Variants in OLFM3 observed in about 807,000 individuals in gnomAD.
OLFM3 encodes the protein olfactomedin 3.
In OLFM3, 20 loss-of-function variants were observed where a neutral mutation model predicts 48.6. The observed-to-expected ratio is 0.41, with a 90% CI of 0.29 to 0.60. The LOEUF (loss-of-function observed/expected upper bound fraction) is 0.60. OLFM3 is among the 20% of genes least tolerant of loss of function. The pLI, the probability that OLFM3 is intolerant of heterozygous loss-of-function variation, is 0.28. For synonymous variants in OLFM3, 222 were observed against 198.1 expected, an observed-to-expected ratio of 1.12 and a Z score of -1.01; for missense variants, 437 against 544.3, an observed-to-expected ratio of 0.80 and a Z score of 1.96.
At chr1:101,901,526 G>A (rs1352794535) in intron 1 of OLFM3, among the ~76,000 whole-genome samples, 3 of 152,048 alleles carry the variant, frequency 2.0e-5, no homozygotes, top group African/African-American at 4.8e-5. Flanking sequence ...AAGTTTTCAA[G>A]ATGACAGGGG....
chr1:101,847,991 G>A (rs559176309), intron 1 of OLFM3, among the ~76,000 whole-genome samples: 58 of 152,184 alleles, frequency 3.8e-4, no homozygotes, highest in African/African-American at 1.2e-3. Context: ...GCTCTCCAAG[G>A]TCCCTTCCAG....
At chr1:101,813,160 T>A (rs753057255) in intron 4 of OLFM3, 1 of 1,220,152 alleles carries the variant, frequency 8.2e-7, no homozygotes, top group South Asian at 1.3e-5. Context: ...GAAAGGAAAT[T>A]TAAAGAAAGA....
intron 1 of OLFM3, among the ~76,000 whole-genome samples, chr1:101,949,512 A>T (rs1379064887): frequency 6.6e-6 from 1 of 152,200 alleles, no homozygotes; most frequent in Non-Finnish European, 1.5e-5. Flanking sequence ...CCATCTGTAC[A>T]AATATACATT....
intron 1 of OLFM3, among the ~76,000 whole-genome samples, chr1:101,845,267 T>G (rs911476940): frequency 2.0e-5 from 3 of 152,108 alleles, no homozygotes; most frequent in Non-Finnish European, 4.4e-5. Flanking sequence ...CAATGCTTTA[T>G]ATTTTTCAAC....
intron 1 of OLFM3, among the ~76,000 whole-genome samples, chr1:101,954,598 A>G (rs1275875874): frequency 6.6e-6 from 1 of 152,114 alleles, no homozygotes; most frequent in African/African-American, 2.4e-5. Context: ...GGCTAAAAGT[A>G]ATAACTCTAC....
At chr1:101,889,797 G>GT (rs1247745747) in intron 1 of OLFM3, among the ~76,000 whole-genome samples, 7 of 151,874 alleles carry the variant, frequency 4.6e-5, no homozygotes, top group Non-Finnish European at 8.8e-5. Flanking sequence ...GTTAAAGATG[G>GT]TTACGTTTAT....
At chr1:101,928,708 A>C (rs933175107) in intron 1 of OLFM3, among the ~76,000 whole-genome samples, 3 of 152,132 alleles carry the variant, frequency 2.0e-5, no homozygotes, top group African/African-American at 7.2e-5. Context: ...AGCAACTACT[A>C]TGTCCTGAAG....
chr1:101,962,815 T>G (rs957154583), intron 1 of OLFM3, among the ~76,000 whole-genome samples: 3 of 152,220 alleles, frequency 2.0e-5, no homozygotes, highest in Non-Finnish European at 4.4e-5. Context: ...CTGCTTTTCC[T>G]TAATAGTTAA....
chr1:101,924,607 A>T (rs1247505680), intron 1 of OLFM3, among the ~76,000 whole-genome samples: 1 of 152,180 alleles, frequency 6.6e-6, no homozygotes, highest in Non-Finnish European at 1.5e-5. Flanking sequence ...TGACAATTCT[A>T]TGCAACACTG....
intron 1 of OLFM3, among the ~76,000 whole-genome samples, chr1:101,916,249 C>A (rs1168709714): frequency 2.6e-5 from 4 of 152,070 alleles, no homozygotes; most frequent in Non-Finnish European, 1.5e-5. Flanking sequence ...TATTATCATT[C>A]CCCTCTTTCA....
intron 1 of OLFM3, among the ~76,000 whole-genome samples, chr1:101,969,485 C>T (rs1403649190): frequency 1.3e-5 from 2 of 151,810 alleles, no homozygotes; most frequent in African/African-American, 2.4e-5. Context: ...TTTTTATTAT[C>T]GTAAAGAGCC....
chr1:101,928,290 G>GAAAC (rs924457123), intron 1 of OLFM3, among the ~76,000 whole-genome samples: 1 of 152,064 alleles, frequency 6.6e-6, no homozygotes, highest in Non-Finnish European at 1.5e-5. Context: ...CATTCAGCGA[G>GAAAC]AAACAAACAA....
intron 1 of OLFM3, among the ~76,000 whole-genome samples, chr1:101,996,031 C>G (rs1661547013): frequency 6.6e-6 from 1 of 152,168 alleles, no homozygotes; most frequent in South Asian, 2.1e-4. Context: ...ATTGCCAGTA[C>G]TAGATAATTT....
At chr1:101,927,732 T>C (rs907318553) in intron 1 of OLFM3, among the ~76,000 whole-genome samples, 8 of 149,242 alleles carry the variant, frequency 5.4e-5, no homozygotes, top group African/African-American at 1.7e-4. Flanking sequence ...ACTTTTATTA[T>C]ATTTATTTTA....
In OLFM3 at chr1:101,937,480, G is replaced by A. The variant is rs185770998; in HGVS notation, c.69+59268C>T. 1.1e-4 allele frequency among the ~76,000 whole-genome samples: 17 copies of A among 152,266 alleles called. No homozygotes were observed. The East Asian group carries it at 2.9e-3, about 26-fold the overall frequency. Reference sequence around the variant, plus strand: ...GGTGGGAGGTAATTGAATCATGGCGGCCGGTCTTTCTCGTGCTGTACTTAT... The same window carrying A: ...GGTGGGAGGTAATTGAATCATGGCGACCGGTCTTTCTCGTGCTGTACTTAT... On this transcript the variant is annotated intron_variant, in intron 1 of 5. Coordinates refer to ENST00000370103, the MANE Select transcript of OLFM3 (RefSeq NM_058170.4).
chr1:101,891,827 A>C (rs547518330), intron 1 of OLFM3, among the ~76,000 whole-genome samples: 8 of 152,154 alleles, frequency 5.3e-5, no homozygotes, highest in African/African-American at 1.9e-4. Context: ...TACCATGAAA[A>C]TCATAAAATG....
intron 1 of OLFM3, among the ~76,000 whole-genome samples, chr1:101,882,319 A>G (rs1657563224): frequency 2.0e-5 from 2 of 100,518 alleles, no homozygotes. Context: ...ATAAGTGCAT[A>G]TATATATATA....
intron 1 of OLFM3, among the ~76,000 whole-genome samples, chr1:101,970,562 C>A (rs557015437): frequency 5.3e-4 from 81 of 152,294 alleles, no homozygotes; most frequent in African/African-American, 1.9e-3. Context: ...TTTACTGGTA[C>A]CTACTTCCTG....
At chr1:101,976,139 G>C (rs1660946894) in intron 1 of OLFM3, among the ~76,000 whole-genome samples, 1 of 152,206 alleles carries the variant, frequency 6.6e-6, no homozygotes, top group Non-Finnish European at 1.5e-5. Context: ...TGCAATTGGT[G>C]ATGTGTGGGT....
Sources: allele counts gnomAD v4.1 joint callset (sites outside exome capture counted in the v4.1 genomes callset), GRCh38; gene constraint gnomAD v4.1.1; transcripts MANE v1.5; gene names NCBI Gene and HGNC (gene_info 2026-07-23, HGNC 2026-07-21).